The following COL7A1 variants were observed in gnomAD, a reference collection of about 807,000 sequenced individuals.
The protein encoded by COL7A1 is collagen type VII alpha 1 chain, also known as collagen alpha-1(VII) chain.
A neutral mutation model predicts 456.2 loss-of-function variants in COL7A1; 296 were observed. The observed-to-expected ratio is 0.65, with a 90% CI of 0.59 to 0.71. The LOEUF (loss-of-function observed/expected upper bound fraction) is 0.71. COL7A1 is among the 30% of genes least tolerant of loss of function. The pLI, the probability that COL7A1 is intolerant of heterozygous loss-of-function variation, is 0.00. For missense variants in COL7A1, 3,441 were observed against 4,017.2 expected, an observed-to-expected ratio of 0.86 and a Z score of 3.88; for synonymous variants, 1,464 against 1,525.9, an observed-to-expected ratio of 0.96 and a Z score of 0.95.
At position 48,591,906 on chromosome 3, in the gene COL7A1, C is replaced by A. The variant is rs748854484; in HGVS notation, c.1349G>T (p.Arg450Leu). The A allele has an allele frequency of 1.2e-6, 2 of 1,614,172 alleles. No homozygotes were observed. The highest frequency in any genetic ancestry group is 1.7e-6 in the Non-Finnish European group (2 of 1,180,032). ...CCTTCCCCCGCACTGACCAGTCTCA[C>A]GCCGCCATTCCAACCGGTAGCCACG... ...EARGYRLEWR[R>L]ETGLEPPQKV... is the part of the protein sequence containing the mutation. The change falls in exon 11 of 119, where the codon CGT becomes CTT. Residue 450 changes from arginine to leucine, a missense_variant. This residue lies in a region of COL7A1 where 913 missense variants were observed against 1,088.2 expected (regional missense o/e 0.84). Coordinates refer to ENST00000681320, the MANE Select transcript of COL7A1 (RefSeq NM_000094.4). This position sits in a 1 kb window ranked among gnomAD's most constrained non-coding sequence, Gnocchi z 7.0.
In COL7A1 at chr3:48,572,992, G is replaced by A; in HGVS notation, c.6750+29C>T. Reference sequence around the variant, plus strand: ...GCTGCCTGTCGACCCTTGACCCCTGGAGCCCAACCCTTGACCCCCAGAACT... The same window carrying A: ...GCTGCCTGTCGACCCTTGACCCCTGAAGCCCAACCCTTGACCCCCAGAACT... On this transcript the variant is annotated intron_variant, in intron 86 of 118. Coordinates refer to ENST00000681320, the MANE Select transcript of COL7A1 (RefSeq NM_000094.4). This position sits in a 1 kb window ranked among gnomAD's most constrained non-coding sequence, Gnocchi z 4.6. 1 of 1,614,000 alleles carries A rather than the reference G, an allele frequency of 6.2e-7. No homozygotes were observed. The highest frequency in any genetic ancestry group is 8.5e-7 in the Non-Finnish European group (1 of 1,180,004).
rs1266122437 is a variant in COL7A1 at position 48,578,909 on chromosome 3, C to G, written c.5424+10G>C. On this transcript the variant is annotated intron_variant, in intron 63 of 118. Transcript: ENST00000681320. This position sits in a 1 kb window ranked among gnomAD's most constrained non-coding sequence, Gnocchi z 4.7. Reference sequence around the variant, plus strand: ...GAGCCCCCTCTGTCCCAGCATCTCCCCTCACTTACGTCTCTCCCTGGGTCC... The same window carrying G: ...GAGCCCCCTCTGTCCCAGCATCTCCGCTCACTTACGTCTCTCCCTGGGTCC... 5.0e-6 allele frequency: 8 copies of G among 1,613,462 alleles called. No individual in the cohort carries two copies. Among genetic ancestry groups the G allele is most frequent in the Non-Finnish European group, 6.8e-6 (8 of 1,179,812 alleles).
Position 48,572,571 on chromosome 3 carries a change from C to T in COL7A1, c.6901-33G>A. ...GAATGCTAGTGAGTTTCCTCCTCCT[C>T]CCCCGCCCCCACCCTGCCACCCCCA... On this transcript the variant is annotated intron_variant, in intron 88 of 118. Transcript: ENST00000681320. This position sits in a 1 kb window ranked among gnomAD's most constrained non-coding sequence, Gnocchi z 4.6. 6.2e-7 allele frequency: 1 copy of T among 1,603,398 alleles called. No homozygotes were observed. The highest frequency in any genetic ancestry group is 8.5e-7 in the Non-Finnish European group (1 of 1,174,124).
At position 48,569,259 on chromosome 3, in the gene COL7A1, C is replaced by T; in HGVS notation, c.7686+116G>A. The T allele has an allele frequency of 2.3e-6, 3 of 1,293,396 alleles. No individual in the cohort carries two copies. The highest frequency in any genetic ancestry group is 3.4e-6 in the Non-Finnish European group (3 of 892,642). 80.1% of individuals were successfully genotyped at this position (1,293,396 alleles called of 1,614,324 possible). A position where few individuals can be genotyped will look rare whatever the true frequency, so the allele number is the denominator to read the frequency against. On this transcript the variant is annotated intron_variant, in intron 103 of 118. Coordinates refer to ENST00000681320, the MANE Select transcript of COL7A1 (RefSeq NM_000094.4). The surrounding 1 kb of genome is among the most constrained non-coding windows in gnomAD (Gnocchi z 4.9). The stretch of plus-strand genomic sequence containing the variant: ...CACTCCATAGTCAGCCACAGAACCC[C>T]TTCCCCCTAAACCCCAGAAAGCCTC...
At position 48,594,993 on chromosome 3, in the gene COL7A1, G is replaced by A. The variant is rs999617334; in HGVS notation, c.85+82C>T. 307 of 1,136,344 alleles carry A rather than the reference G, an allele frequency of 2.7e-4. No individual in the cohort carries two copies. The highest frequency in any genetic ancestry group is 2.7e-4 in the Middle Eastern group (1 of 3,654). The allele number at this position is 1,136,344 out of a possible 1,614,324, so 70.4% of individuals were successfully genotyped here. ...TGGAGTTGGCTGGGTTGTGGGCGGG[G>A]GGTGTTGGGGATGAAGGCCGAGTGG... On this transcript the variant is annotated intron_variant, in intron 2 of 118. Coordinates refer to ENST00000681320, the MANE Select transcript of COL7A1 (RefSeq NM_000094.4). This position sits in a 1 kb window ranked among gnomAD's most constrained non-coding sequence, Gnocchi z 5.5.
In COL7A1 at chr3:48,582,367, A is replaced by G. The variant is rs894344282; in HGVS notation, c.4600-9T>C. The G allele has an allele frequency of 2.5e-6, 4 of 1,613,846 alleles. No homozygotes were observed. Among genetic ancestry groups the G allele is most frequent in the Admixed American group, 3.3e-5 (2 of 59,998 alleles). On this transcript the variant is annotated splice_polypyrimidine_tract_variant and intron_variant, in intron 46 of 118. Transcript: ENST00000681320. The stretch of plus-strand genomic sequence containing the variant: ...GGGCGACCAGGCTCCCCCTGTGGAG[A>G]GAGGATAGGAGCAGGGACAGGTCAG...
At position 48,568,072 on chromosome 3, in the gene COL7A1, A is replaced by G. The variant is rs1281491821; in HGVS notation, c.7875+18T>C. The G allele has an allele frequency of 3.1e-6, 5 of 1,613,776 alleles. No individual in the cohort carries two copies. Among genetic ancestry groups the G allele is most frequent in the African/African-American group, 2.7e-5 (2 of 74,856 alleles). ...GGCCTTCCTGACCAGAAAAAAACCA[A>G]TCTTGTTTCTTTCCTACCTTGAGGC... On this transcript the variant is annotated intron_variant, in intron 106 of 118. Coordinates refer to ENST00000681320, the MANE Select transcript of COL7A1 (RefSeq NM_000094.4). This position sits in a 1 kb window ranked among gnomAD's most constrained non-coding sequence, Gnocchi z 5.2.
Position 48,583,145 on chromosome 3 carries a change from CA to C in COL7A1, c.4463del (p.Leu1488ArgfsTer222), listed in dbSNP as rs2044901784. ...PKGDRGFPGP[L>X]GEAGEKGERG... The stretch of plus-strand genomic sequence containing the variant: ...CACTTACCTTCTCTCCAGCCTCACC[CA>C]GGGGCCCTGGAAAGCCCCGGTCACC... On this transcript the variant is annotated frameshift_variant, in exon 43 of 119. Coordinates refer to ENST00000681320, the MANE Select transcript of COL7A1 (RefSeq NM_000094.4). LOFTEE classifies it high-confidence loss of function. This position sits in a 1 kb window ranked among gnomAD's most constrained non-coding sequence, Gnocchi z 5.1. 1 of 1,613,822 alleles carries C rather than the reference CA, an allele frequency of 6.2e-7. No individual in the cohort carries two copies.
In COL7A1 at chr3:48,579,550, C is replaced by T. The variant is rs1352449382; in HGVS notation, c.5236-35G>A. 11 of 1,613,738 alleles carry T rather than the reference C, an allele frequency of 6.8e-6. No individual in the cohort carries two copies. Among genetic ancestry groups the T allele is most frequent in the Non-Finnish European group, 9.3e-6 (11 of 1,180,000 alleles). On this transcript the variant is annotated intron_variant, in intron 59 of 118. Transcript: ENST00000681320. This position sits in a 1 kb window ranked among gnomAD's most constrained non-coding sequence, Gnocchi z 4.4. ...GGGGAGGAAGAAATCAGAGCAGGCCCTCCCATGCCTGCACCCCCGAGGACC... is the reference window on the plus strand; with the variant it reads ...GGGGAGGAAGAAATCAGAGCAGGCCTTCCCATGCCTGCACCCCCGAGGACC...
In COL7A1 at chr3:48,573,578, C is replaced by G. The variant is rs1292036743; in HGVS notation, c.6574-21G>C. 6.2e-7 allele frequency: 1 copy of G among 1,614,084 alleles called. No homozygotes were observed. Among genetic ancestry groups the G allele is most frequent in the East Asian group, 2.2e-5 (1 of 44,884 alleles). ...AGACCCTAGAGAAAAGGGTCAAGGG[C>G]AGGGAACAGGGCTCAGGGATTAACA... On this transcript the variant is annotated intron_variant, in intron 82 of 118. Transcript: ENST00000681320. This position sits in a 1 kb window ranked among gnomAD's most constrained non-coding sequence, Gnocchi z 5.5.
In COL7A1 at chr3:48,566,581, G is replaced by A. The variant is rs1176062721; in HGVS notation, c.8305-18C>T. On this transcript the variant is annotated intron_variant, in intron 112 of 118. Coordinates refer to ENST00000681320, the MANE Select transcript of COL7A1 (RefSeq NM_000094.4). This position sits in a 1 kb window ranked among gnomAD's most constrained non-coding sequence, Gnocchi z 5.9. ...GGCCGCCCCTATGTGCAACAGATGG[G>A]ACCAGGCTGTGACCTCTGACCTCAG... The A allele has an allele frequency of 1.2e-6, 2 of 1,614,170 alleles. No homozygotes were observed. The highest frequency in any genetic ancestry group is 1.7e-6 in the Non-Finnish European group (2 of 1,180,022).
At position 48,591,069 on chromosome 3, in the gene COL7A1, G is replaced by C. The variant is rs1337503336; in HGVS notation, c.1637-253C>G. Among the ~76,000 whole-genome samples the C allele has an allele frequency of 6.6e-6, 1 of 152,216 alleles. No homozygotes were observed. The highest frequency in any genetic ancestry group is 1.5e-5 in the Non-Finnish European group (1 of 68,040). ...GATCTTAGCATGTAGGATGACAGGA[G>C]TCAGTGGACTGCAGTGAGAACTGAT... On this transcript the variant is annotated intron_variant, in intron 13 of 118. Transcript: ENST00000681320. The surrounding 1 kb of genome is among the most constrained non-coding windows in gnomAD (Gnocchi z 7.0).
At position 48,572,497 on chromosome 3, in the gene COL7A1, A is replaced by G; in HGVS notation, c.6936+6T>C. On this transcript the variant is annotated splice_donor_region_variant and intron_variant, in intron 89 of 118. Transcript: ENST00000681320. The surrounding 1 kb of genome is among the most constrained non-coding windows in gnomAD (Gnocchi z 4.6). ...CCCCCTCACTGGCAGCCCCACACAC[A>G]CTCACCTTCTCTCCCTTTGCTCCAG... 4 of 1,606,648 alleles carry G rather than the reference A, an allele frequency of 2.5e-6. No individual in the cohort carries two copies. Among genetic ancestry groups the G allele is most frequent in the East Asian group, 2.2e-5 (1 of 44,492 alleles).
rs190749884 is a variant in COL7A1, at chr3:48,583,110, C to T, written c.4482+17G>A. The T allele has an allele frequency of 6.2e-7, 1 of 1,613,966 alleles. No homozygotes were observed. Among genetic ancestry groups the T allele is most frequent in the South Asian group, 1.1e-5 (1 of 91,078 alleles). On this transcript the variant is annotated intron_variant, in intron 43 of 118. Transcript: ENST00000681320. The surrounding 1 kb of genome is among the most constrained non-coding windows in gnomAD (Gnocchi z 5.1). ...CAGATCCTCCAGGGCCCTTGGCACC[C>T]CCCAGGTTGCACTTACCTTCTCTCC...
At position 48,587,428 on chromosome 3, in the gene COL7A1, G is replaced by A. The variant is rs985190093; in HGVS notation, c.2984C>T (p.Pro995Leu). 2 of 1,613,242 alleles carry A rather than the reference G, an allele frequency of 1.2e-6. No homozygotes were observed. The highest frequency in any genetic ancestry group is 1.7e-6 in the Non-Finnish European group (2 of 1,180,020). The part of the protein sequence containing the change: ...YILSWRPLRG[P>L]GQEVPGSPQT... ...CCTGGCCTCCCCCTCACCCTGGCCA[G>A]GGCCTCTGAGTGGCCGCCAGGATAG... The change falls in exon 23 of 119, where the codon CCT becomes CTT. Residue 995 changes from proline to leucine, a missense_variant. Physicochemically the swap from Pro to Leu is moderately conservative, Grantham distance 98. Coordinates refer to ENST00000681320, the MANE Select transcript of COL7A1 (RefSeq NM_000094.4). This position sits in a 1 kb window ranked among gnomAD's most constrained non-coding sequence, Gnocchi z 6.1.
rs779416907 is a variant in COL7A1, at chr3:48,573,690, C to G, written c.6573G>C (p.Pro2191=). ...CAGGCAGTGTTCCCTGGTCACTCAC[C>G]GGGGCACCAGGTGGTCCAGGGTCTC... ...GHGDPGPPGA[P]GLAGPAGPQG... The change falls in exon 82 of 119, where the codon CCG becomes CCC. Residue 2191 remains proline, a splice_region_variant and synonymous_variant. Coordinates refer to ENST00000681320, the MANE Select transcript of COL7A1 (RefSeq NM_000094.4). This position sits in a 1 kb window ranked among gnomAD's most constrained non-coding sequence, Gnocchi z 5.5. The G allele has an allele frequency of 6.2e-7, 1 of 1,612,824 alleles. No individual in the cohort carries two copies. Among genetic ancestry groups the G allele is most frequent in the Non-Finnish European group, 8.5e-7 (1 of 1,179,394 alleles).
chr3:48,590,474 A>C lies in COL7A1; in HGVS notation c.1891T>G (p.Trp631Gly), dbSNP rs1257001197. 1 of 1,614,132 alleles carries C rather than the reference A, an allele frequency of 6.2e-7. No individual in the cohort carries two copies. Among genetic ancestry groups the C allele is most frequent in the East Asian group, 2.2e-5 (1 of 44,882 alleles). ...VPGASGFRIS[W>G]STGSGPESSQ... ...CCACACTGACCACTGCCTGTGCTCC[A>C]GCTAATCCGAAATCCACTGGCTCCA... Residue 631 changes from tryptophan (W) to glycine (G), a missense_variant, in exon 15 of 119, where the codon TGG becomes GGG. By Grantham distance (184) the Trp-to-Gly change is radical. Coordinates refer to ENST00000681320, the MANE Select transcript of COL7A1 (RefSeq NM_000094.4). This position sits in a 1 kb window ranked among gnomAD's most constrained non-coding sequence, Gnocchi z 4.6.
Position 48,578,807 on chromosome 3 carries a change from G to A in COL7A1, c.5424+112C>T. On this transcript the variant is annotated intron_variant, in intron 63 of 118. Transcript: ENST00000681320. The surrounding 1 kb of genome is among the most constrained non-coding windows in gnomAD (Gnocchi z 4.7). ...GCCAGGGACTGAGACCCTCCCAAAG[G>A]CAAGGCTGAACCGACCCCCCACCAA... 1 of 1,163,004 alleles carries A rather than the reference G, an allele frequency of 8.6e-7. No homozygotes were observed. Among genetic ancestry groups the A allele is most frequent in the South Asian group, 1.5e-5 (1 of 65,492 alleles). The allele number at this position is 1,163,004 out of a possible 1,614,324, so 72.0% of individuals were successfully genotyped here. A position where few individuals can be genotyped will look rare whatever the true frequency, so the allele number is the denominator to read the frequency against.
chr3:48,592,123 T>C lies in COL7A1; in HGVS notation c.1219A>G (p.Thr407Ala), dbSNP rs1296226515. Residue 407 changes from threonine to alanine, a missense_variant, in exon 10 of 119, where the codon ACT becomes GCT. By Grantham distance (58) the Thr-to-Ala change is moderately conservative. This residue lies in a region of COL7A1 where 913 missense variants were observed against 1,088.2 expected (regional missense o/e 0.84). Transcript: ENST00000681320. This position sits in a 1 kb window ranked among gnomAD's most constrained non-coding sequence, Gnocchi z 7.6. Reference protein sequence around the residue: ...TLFGRSVGPATSLMARTDASV... With the variant: ...TLFGRSVGPAASLMARTDASV... ...TCACCAGTGCGAGCCATCAGGGAAG[T>C]GGCGGGCCCCACACTGCGGCCAAAT... The C allele has an allele frequency of 2.5e-6, 4 of 1,614,084 alleles. No individual in the cohort carries two copies. Among genetic ancestry groups the C allele is most frequent in the Non-Finnish European group, 2.5e-6 (3 of 1,179,996 alleles).
Sources: gnomAD v4.1 joint callset for allele counts (sites outside exome capture counted in the v4.1 genomes callset) on GRCh38, gnomAD v4.1.1 for gene constraint, gnomAD v4.1.1 regional missense constraint, Gnocchi (gnomAD v3.1) non-coding constraint, MANE v1.5 for transcripts, NCBI Gene and HGNC (gene_info 2026-07-23, HGNC 2026-07-21) for gene names.